Variants in PDE11A observed in about 807,000 individuals in gnomAD.
PDE11A encodes the protein phosphodiesterase 11A.
Under a neutral mutation model 100.5 loss-of-function variants are expected in PDE11A, and 100 were observed. The ratio of observed to expected loss-of-function variants is 1.00; its 90% CI spans 0.85 to 1.18. The LOEUF (loss-of-function observed/expected upper bound fraction) is 1.18. Ranked by LOEUF, PDE11A falls within the 50% of genes most tolerant of loss-of-function variation. The pLI is 0.00. For synonymous variants in PDE11A, 381 were observed against 420.8 expected (o/e 0.91, Z 1.16); for missense variants, 1,141 against 1,152.6 (o/e 0.99, Z 0.15).
At chr2:177,839,120 A>G (rs966299892) in intron 6 of PDE11A, among the ~76,000 whole-genome samples, 7 of 152,204 alleles carry the variant, frequency 4.6e-5, no homozygotes, top group African/African-American at 1.7e-4. Flanking sequence ...GAGATCTGCA[A>G]AGATGATCTG....
intron 5 of PDE11A, among the ~76,000 whole-genome samples, chr2:177,853,635 CAT>C (rs371434526): frequency 0.038 from 1,347 of 35,568 alleles, 15 homozygotes; most frequent in Admixed American, 0.053. Flanking sequence ...ACAAGTCCTG[CAT>C]ATATATATAT....
At chr2:177,894,214 C>A (rs2084574852) in intron 4 of PDE11A, among the ~76,000 whole-genome samples, 1 of 152,134 alleles carries the variant, frequency 6.6e-6, no homozygotes, top group Non-Finnish European at 1.5e-5. Context: ...TTTGAGAAGC[C>A]TTTGGTGAGA....
intron 2 of PDE11A, chr2:178,093,014 C>T (rs768731853): frequency 6.6e-6 from 1 of 152,204 alleles, no homozygotes; most frequent in Non-Finnish European, 1.5e-5. Context: ...ATTTGTAGGG[C>T]TCACTTTCTG....
chr2:177,683,360 G>T (rs559357125), intron 15 of PDE11A: 1 of 152,352 alleles, frequency 6.6e-6, no homozygotes, highest in East Asian at 1.9e-4. Context: ...ACTTTGGGTG[G>T]GCAGGTGTAT....
At chr2:178,011,955 A>G (rs2086278922) in intron 2 of PDE11A, 1 of 152,262 alleles carries the variant, frequency 6.6e-6, no homozygotes, top group African/African-American at 2.4e-5. Flanking sequence ...CTTATTTGGA[A>G]GAAATACTTT....
At chr2:177,951,900 G>GA (rs990876327) in intron 2 of PDE11A, among the ~76,000 whole-genome samples, 1 of 151,996 alleles carries the variant, frequency 6.6e-6, no homozygotes, top group Non-Finnish European at 1.5e-5. Flanking sequence ...TTGTTTAGGG[G>GA]AAAAAAAGGC....
chr2:178,029,030 A>G (rs2086513273), intron 1 of PDE11A, among the ~76,000 whole-genome samples: 1 of 152,184 alleles, frequency 6.6e-6, no homozygotes, highest in Non-Finnish European at 1.5e-5. Context: ...GAAAAATTTC[A>G]TAGCTTCCAA....
In PDE11A at chr2:177,819,992, C is replaced by T. The variant is rs143105167; in HGVS notation, c.1576+228G>A. Among the ~76,000 whole-genome samples, 89 of 151,266 alleles carry T rather than the reference C, an allele frequency of 5.9e-4. 1 individual carries two copies. The East Asian group carries it at 0.014, about 23-fold the overall frequency. ...ATTGGTTGATAACTCAGATTCTCTACGACTTTAAAATTTATTGGTTCTTTC... is the reference window on the plus strand; with the variant it reads ...ATTGGTTGATAACTCAGATTCTCTATGACTTTAAAATTTATTGGTTCTTTC... On this transcript the variant is annotated intron_variant, in intron 7 of 19. Transcript: ENST00000286063.
intron 2 of PDE11A, chr2:177,922,804 A>G: frequency 1.0e-6 from 1 of 984,830 alleles, no homozygotes; most frequent in Non-Finnish European, 1.2e-6. Flanking sequence ...TTCTTGACTC[A>G]TCTTCCAGCA....
At chr2:177,925,871 C>T (rs1443814962) in intron 2 of PDE11A, among the ~76,000 whole-genome samples, 1 of 152,134 alleles carries the variant, frequency 6.6e-6, no homozygotes, top group East Asian at 1.9e-4. Context: ...CTTTTTTCTT[C>T]AGGACACTCG....
chr2:177,835,537 T>C (rs1490335259), intron 6 of PDE11A, among the ~76,000 whole-genome samples: 1 of 152,206 alleles, frequency 6.6e-6, no homozygotes, highest in South Asian at 2.1e-4. Context: ...TCGCTTGCTC[T>C]TGGCACCTCC....
At chr2:177,665,347 G>GCA (rs1319719424) in intron 18 of PDE11A, among the ~76,000 whole-genome samples, 1 of 150,176 alleles carries the variant, frequency 6.7e-6, no homozygotes, top group East Asian at 2.0e-4. Flanking sequence ...AACTGTGGTG[G>GCA]CACACACTTG....
chr2:177,818,838 T>C (rs2083087372), intron 7 of PDE11A, among the ~76,000 whole-genome samples: 1 of 151,906 alleles, frequency 6.6e-6, no homozygotes, highest in Admixed American at 6.6e-5. Flanking sequence ...ACCACTAGCC[T>C]GTGTCCCCAT....
At chr2:177,966,770 G>A (rs1409246103) in intron 2 of PDE11A, among the ~76,000 whole-genome samples, 1 of 152,060 alleles carries the variant, frequency 6.6e-6, no homozygotes, top group Non-Finnish European at 1.5e-5. Flanking sequence ...ATTTTTTTGA[G>A]AATTTTTACA....
At chr2:177,864,130 A>G (rs541779529) in intron 5 of PDE11A, among the ~76,000 whole-genome samples, 1 of 152,278 alleles carries the variant, frequency 6.6e-6, no homozygotes, top group South Asian at 2.1e-4. Flanking sequence ...AATCTCATTT[A>G]TATGTGGAAT....
chr2:177,972,187 G>A (rs147576169), intron 2 of PDE11A, among the ~76,000 whole-genome samples: 1 of 152,346 alleles, frequency 6.6e-6, no homozygotes, highest in Non-Finnish European at 1.5e-5. Flanking sequence ...CTTAAAAAAT[G>A]TAGACCATTT....
chr2:177,968,618 C>T (rs1346611807), intron 2 of PDE11A, among the ~76,000 whole-genome samples: 2 of 152,056 alleles, frequency 1.3e-5, no homozygotes, highest in East Asian at 3.9e-4. Context: ...AAATAAATTC[C>T]TATAGGATGA....
At chr2:177,702,970 A>C (rs530306821) in intron 13 of PDE11A, among the ~76,000 whole-genome samples, 3 of 152,222 alleles carry the variant, frequency 2.0e-5, no homozygotes, top group Admixed American at 2.0e-4. Context: ...CATAGAGTTC[A>C]TTTCTATGAA....
At chr2:177,770,793 G>A (rs1458901098) in intron 9 of PDE11A, among the ~76,000 whole-genome samples, 2 of 152,190 alleles carry the variant, frequency 1.3e-5, no homozygotes, top group African/African-American at 2.4e-5. Flanking sequence ...AATAGCATAT[G>A]TATGTTATAT....
Sources: gnomAD v4.1 joint callset for allele counts (sites outside exome capture counted in the v4.1 genomes callset) on GRCh38, gnomAD v4.1.1 for gene constraint, MANE v1.5 for transcripts, NCBI Gene and HGNC (gene_info 2026-07-23, HGNC 2026-07-21) for gene names.